The following PRKN variants were observed in gnomAD, a reference collection of about 807,000 sequenced individuals.
PRKN encodes parkin RBR E3 ubiquitin protein ligase, also known as E3 ubiquitin-protein ligase parkin.
PRKN carries 56 observed loss-of-function variants against 59.5 expected under a neutral mutation model. The observed-to-expected ratio is 0.94, with a 90% CI of 0.76 to 1.18. The LOEUF (loss-of-function observed/expected upper bound fraction) is 1.18, where lower values mean the gene tolerates loss of function less well. PRKN is among the 50% of genes most tolerant of loss of function. The pLI, the probability that PRKN is intolerant of heterozygous loss-of-function variation, is 0.00. For missense variants in PRKN, 657 were observed against 596.4 expected, an observed-to-expected ratio of 1.10 and a Z score of -1.06; for synonymous variants, 250 against 222.1, an observed-to-expected ratio of 1.13 and a Z score of -1.12.
intron 1 of PRKN, among the ~76,000 whole-genome samples, chr6:162,658,432 C>T (rs1030190933): frequency 1.8e-4 from 28 of 152,026 alleles, no homozygotes; most frequent in Non-Finnish European, 3.8e-4. Flanking sequence ...GAGACCGACG[C>T]GGGCAGATCA....
chr6:162,213,726 C>T (rs540162417), intron 3 of PRKN, among the ~76,000 whole-genome samples: 2 of 151,284 alleles, frequency 1.3e-5, no homozygotes, highest in African/African-American at 4.9e-5. Context: ...CAGAATGACA[C>T]CCTGCCTTAA....
chr6:161,672,530 C>T (rs1387624226), intron 7 of PRKN, among the ~76,000 whole-genome samples: 4 of 152,216 alleles, frequency 2.6e-5, no homozygotes, highest in Admixed American at 6.5e-5. Flanking sequence ...AATCCCAACA[C>T]TTTGGCAGGC....
At chr6:162,036,116 A>G in intron 5 of PRKN, among the ~76,000 whole-genome samples, 1 of 151,840 alleles carries the variant, frequency 6.6e-6, no homozygotes, top group Non-Finnish European at 1.5e-5. Context: ...CGAGGTCAGG[A>G]GATAGAGACG....
intron 3 of PRKN, among the ~76,000 whole-genome samples, chr6:162,250,081 GGTTGCA>G (rs890516978): frequency 6.6e-6 from 1 of 150,744 alleles, no homozygotes; most frequent in Non-Finnish European, 1.5e-5. Context: ...AGGACGCAGA[GGTTGCA>G]GTGAGCCGAG....
In PRKN at chr6:162,269,639, G is replaced by C. The variant is rs796316782; in HGVS notation, c.172-6874C>G. 3 of 152,160 alleles carry C rather than the reference G, an allele frequency of 2.0e-5. No homozygotes were observed. In the South Asian group the frequency reaches 6.2e-4, roughly 32 times the overall value. 9.4% of individuals were successfully genotyped at this position (152,160 alleles called of 1,614,324 possible). ...ACCACTGTCTATGGTCTGTAAAGTA[G>C]GTAGGGCTGTCTTCAATATCTTCAG... On this transcript the variant is annotated intron_variant, in intron 2 of 11. Transcript: ENST00000366898.
At chr6:161,920,286 A>G (rs180888286) in intron 6 of PRKN, among the ~76,000 whole-genome samples, 2 of 152,182 alleles carry the variant, frequency 1.3e-5, no homozygotes, top group Non-Finnish European at 2.9e-5. Flanking sequence ...TGGGAGGCTG[A>G]GGCATGAGAC....
At chr6:161,508,866 T>C (rs1364115609) in intron 9 of PRKN, among the ~76,000 whole-genome samples, 3 of 151,618 alleles carry the variant, frequency 2.0e-5, no homozygotes, top group African/African-American at 7.3e-5. Context: ...TTTTTGGAGA[T>C]GGAGTTTCAC....
intron 1 of PRKN, among the ~76,000 whole-genome samples, chr6:162,452,583 T>C (rs1162275023): frequency 6.6e-6 from 1 of 151,744 alleles, no homozygotes; most frequent in Non-Finnish European, 1.5e-5. Context: ...AAAATCAAAA[T>C]GAATAAAAAT....
At chr6:162,503,132 A>ATC (rs1793445305) in intron 1 of PRKN, among the ~76,000 whole-genome samples, 1 of 86,584 alleles carries the variant, frequency 1.2e-5, no homozygotes. Context: ...AATAGTCTTC[A>ATC]TTTCTTTTTT....
rs991605081 is a variant in PRKN at position 161,484,416 on chromosome 6, A to C, written c.1083+64438T>G. On this transcript the variant is annotated intron_variant, in intron 9 of 11. Transcript: ENST00000366898. The surrounding 1 kb of genome is among the most constrained non-coding windows in gnomAD (Gnocchi z 4.9). ...ATTTCCTTTACTAACAATAACTAAG[A>C]TGCACTGGGTACGTTACGTGTTAGG... is the stretch of plus-strand genomic sequence containing the variant. Among the ~76,000 whole-genome samples the C allele has an allele frequency of 6.6e-6, 1 of 152,132 alleles. No homozygotes were observed. Among genetic ancestry groups the C allele is most frequent in the Non-Finnish European group, 1.5e-5 (1 of 68,016 alleles).
intron 4 of PRKN, among the ~76,000 whole-genome samples, chr6:162,061,926 G>A (rs1293518573): frequency 6.6e-6 from 1 of 152,126 alleles, no homozygotes; most frequent in African/African-American, 2.4e-5. Context: ...GTAAAAGACA[G>A]GCAAGTTGGA....
chr6:161,422,941 C>T (rs1281017860), intron 9 of PRKN, among the ~76,000 whole-genome samples: 1 of 152,212 alleles, frequency 6.6e-6, no homozygotes, highest in Non-Finnish European at 1.5e-5. Context: ...ACTGCCACAT[C>T]ACTCACAGCA....
chr6:162,376,700 GGA>G (rs1273611448), intron 2 of PRKN, among the ~76,000 whole-genome samples: 3 of 146,058 alleles, frequency 2.1e-5, no homozygotes, highest in Admixed American at 6.9e-5. Flanking sequence ...ATGGACACAC[GGA>G]GAGAGAGGGG....
At chr6:162,248,497 C>T (rs1027854421) in intron 3 of PRKN, among the ~76,000 whole-genome samples, 12 of 152,046 alleles carry the variant, frequency 7.9e-5, no homozygotes, top group African/African-American at 1.9e-4. Flanking sequence ...GTATCTTCAG[C>T]GTATACTCCT....
intron 1 of PRKN, among the ~76,000 whole-genome samples, chr6:162,609,720 A>C (rs1428083830): frequency 4.6e-5 from 7 of 152,340 alleles, no homozygotes; most frequent in Admixed American, 2.0e-4. Flanking sequence ...AAACACATAA[A>C]ATACATTAAA....
At chr6:161,903,683 G>T (rs9347560) in intron 6 of PRKN, among the ~76,000 whole-genome samples, 7,493 of 152,158 alleles carry the variant, frequency 0.049, 258 homozygotes, top group South Asian at 0.15. Context: ...GGTCAAAAGG[G>T]CTGATGAATA....
intron 11 of PRKN, among the ~76,000 whole-genome samples, chr6:161,350,536 C>T (rs1476391230): frequency 7.0e-6 from 1 of 142,258 alleles, no homozygotes; most frequent in Non-Finnish European, 1.5e-5. Flanking sequence ...GGGGTCAATT[C>T]CTCATTTAAA....
intron 7 of PRKN, among the ~76,000 whole-genome samples, chr6:161,585,186 A>G (rs1401656675): frequency 6.6e-6 from 1 of 152,226 alleles, no homozygotes; most frequent in Non-Finnish European, 1.5e-5. Context: ...TCTGAAGCAC[A>G]CGGGCACCAT....
At chr6:161,801,398 A>G (rs1020719714) in intron 6 of PRKN, among the ~76,000 whole-genome samples, 1 of 152,194 alleles carries the variant, frequency 6.6e-6, no homozygotes, top group African/African-American at 2.4e-5. Context: ...ATGGGGCTAT[A>G]AAGGGCCTGG....
Sources: allele counts gnomAD v4.1 joint callset (sites outside exome capture counted in the v4.1 genomes callset), GRCh38; gene constraint gnomAD v4.1.1; non-coding constraint Gnocchi (gnomAD v3.1); transcripts MANE v1.5; gene names NCBI Gene and HGNC (gene_info 2026-07-23, HGNC 2026-07-21).